PMFBP1: variants seen among roughly 807,000 people sequenced by gnomAD.
PMFBP1 encodes polyamine modulated factor 1 binding protein 1.
A neutral mutation model predicts 137.8 loss-of-function variants in PMFBP1; 131 were observed. The ratio of observed to expected loss-of-function variants is 0.95; its 90% confidence interval spans 0.82 to 1.10. The LOEUF is 1.10. Ranked by LOEUF, PMFBP1 falls within the 50% of genes least tolerant of loss-of-function variation. The pLI, the probability that PMFBP1 is intolerant of heterozygous loss-of-function variation, is 0.00. For synonymous variants in PMFBP1, 490 were observed against 450.4 expected, an observed-to-expected ratio of 1.09 and a Z score of -1.11; for missense variants, 1,199 against 1,175.4, an observed-to-expected ratio of 1.02 and a Z score of -0.29.
the PMFBP1 span, among the ~76,000 whole-genome samples, chr16:72,185,867 GT>G: frequency 6.6e-6 from 1 of 152,214 alleles, no homozygotes. Context: ...CTCTCCAGAG[GT>G]AGACCAATAT....
chr16:72,168,045 C>T (rs1223098128), intron 2 of PMFBP1, among the ~76,000 whole-genome samples: 1 of 152,186 alleles, frequency 6.6e-6, no homozygotes, highest in African/African-American at 2.4e-5. Context: ...ATGATCTCAT[C>T]TAATTTGTAC....
chr16:72,138,669 C>T (rs553898940), intron 7 of PMFBP1, among the ~76,000 whole-genome samples: 7 of 152,232 alleles, frequency 4.6e-5, no homozygotes, highest in African/African-American at 1.7e-4. Context: ...GTACCCACCA[C>T]CACACCTGGC....
chr16:72,174,410 T>C (rs191758745), upstream of PMFBP1, among the ~76,000 whole-genome samples: 1 of 152,272 alleles, frequency 6.6e-6, no homozygotes. Context: ...CTTTAAGGCG[T>C]CTCCAGAGTG....
At chr16:72,232,590 G>A in the PMFBP1 span, among the ~76,000 whole-genome samples, 62 of 152,248 alleles carry the variant, frequency 4.1e-4, no homozygotes, top group African/African-American at 1.4e-3. Flanking sequence ...CATTTAACAT[G>A]ACTGTCATGG....
intron 3 of PMFBP1, among the ~76,000 whole-genome samples, chr16:72,157,442 G>T (rs572685410): frequency 7.2e-5 from 11 of 152,168 alleles, no homozygotes; most frequent in African/African-American, 2.6e-4. Flanking sequence ...GGCAAAAGAA[G>T]GTATCTGGAA....
Position 72,150,635 on chromosome 16 carries a change from CT to C in PMFBP1, c.608del (p.Gln203ArgfsTer29), listed in dbSNP as rs759125750. ...GACCCATGATCCCGCCGAGTTCCCC[CT>C]GCAACATCTTCACTTGGCATTCTAG... ...ELLECQVKML[Q>X]GELGGIMGQE... On this transcript the variant is annotated frameshift_variant, in exon 5 of 21. Transcript: ENST00000237353. LOFTEE classifies it high-confidence loss of function. The C allele has an allele frequency of 3.7e-6, 6 of 1,613,544 alleles. No homozygotes were observed. The Admixed American group carries it at 1.0e-4, about 27-fold the overall frequency.
chr16:72,166,555 T>C (rs1172080599), intron 2 of PMFBP1, among the ~76,000 whole-genome samples: 1 of 152,192 alleles, frequency 6.6e-6, no homozygotes, highest in Non-Finnish European at 1.5e-5. Context: ...TCATGGCATC[T>C]ATTAAAGAAA....
chr16:72,135,313 T>C lies in PMFBP1; in HGVS notation c.1203+1135A>G, dbSNP rs554326298. 4.6e-5 allele frequency among the ~76,000 whole-genome samples: 7 copies of C among 151,900 alleles called. No individual in the cohort carries two copies. In the South Asian group the frequency reaches 1.2e-3, roughly 27 times the overall value. ...GCCTCAGCCTCCCAAGTAGCTGGGA[T>C]TACAGCTGTGCACCACCATGCCTGG... On this transcript the variant is annotated intron_variant, in intron 9 of 20. Transcript: ENST00000237353.
chr16:72,190,407 C>T, the PMFBP1 span, among the ~76,000 whole-genome samples: 1 of 152,200 alleles, frequency 6.6e-6, no homozygotes, highest in African/African-American at 2.4e-5. Flanking sequence ...CTGTCATAAT[C>T]TTTGCAAAGG....
At chr16:72,239,761 A>G in the PMFBP1 span, among the ~76,000 whole-genome samples, 1 of 151,836 alleles carries the variant, frequency 6.6e-6, no homozygotes, top group African/African-American at 2.4e-5. Context: ...GTGTGGTGGC[A>G]TGTGCCTGTA....
chr16:72,216,263 T>A, the PMFBP1 span, among the ~76,000 whole-genome samples: 1 of 152,230 alleles, frequency 6.6e-6, no homozygotes, highest in Non-Finnish European at 1.5e-5. Context: ...AGAATCTGGA[T>A]GAACTTTCCA....
the PMFBP1 span, among the ~76,000 whole-genome samples, chr16:72,223,771 TG>T: frequency 6.6e-6 from 1 of 152,126 alleles, no homozygotes; most frequent in South Asian, 2.1e-4. Context: ...TATCAGAGGA[TG>T]GGGCTACAGG....
the PMFBP1 span, among the ~76,000 whole-genome samples, chr16:72,182,609 T>C: frequency 6.6e-6 from 1 of 152,090 alleles, no homozygotes; most frequent in Non-Finnish European, 1.5e-5. Context: ...ATGAACTTAC[T>C]TATTAATTCA....
At chr16:72,139,513 A>T (rs2042684026) in intron 6 of PMFBP1, 114 bp from the exon 7 acceptor site, 1 of 834,796 alleles carries the variant, frequency 1.2e-6, no homozygotes, top group African/African-American at 1.7e-5. Context: ...AGAATTATAC[A>T]ATTCATCAGG....
chr16:72,164,488 T>C, intron 3 of PMFBP1: 1 of 1,428,632 alleles, frequency 7.0e-7, no homozygotes. Flanking sequence ...GGCAATGAGC[T>C]GTAAATACAG....
At chr16:72,236,962 T>A in the PMFBP1 span, among the ~76,000 whole-genome samples, 1 of 152,194 alleles carries the variant, frequency 6.6e-6, no homozygotes, top group Non-Finnish European at 1.5e-5. Context: ...CTTTCATCAC[T>A]TCTCTAAAGA....
At chr16:72,219,604 C>T in the PMFBP1 span, among the ~76,000 whole-genome samples, 2 of 152,020 alleles carry the variant, frequency 1.3e-5, no homozygotes, top group Non-Finnish European at 2.9e-5. Flanking sequence ...GATGTGTACT[C>T]AGTTTTGGAA....
At chr16:72,202,933 G>A in the PMFBP1 span, among the ~76,000 whole-genome samples, 6 of 152,166 alleles carry the variant, frequency 3.9e-5, no homozygotes, top group Non-Finnish European at 7.3e-5. Context: ...GGGTGCCGAC[G>A]TTCAGAGTCA....
intron 9 of PMFBP1, among the ~76,000 whole-genome samples, chr16:72,135,650 T>G (rs1351619184): frequency 6.6e-6 from 1 of 152,074 alleles, no homozygotes; most frequent in Non-Finnish European, 1.5e-5. Flanking sequence ...ATTTGATTTA[T>G]GTTGGCAGTA....
Sources: allele counts gnomAD v4.1 joint callset (sites outside exome capture counted in the v4.1 genomes callset), GRCh38; gene constraint gnomAD v4.1.1; transcripts MANE v1.5; gene names NCBI Gene and HGNC (gene_info 2026-07-23, HGNC 2026-07-21).